TRIM44: variants seen among roughly 807,000 people sequenced by gnomAD.
The protein encoded by TRIM44 is tripartite motif-containing protein 44.
A neutral mutation model predicts 37.4 loss-of-function variants in TRIM44; 13 were observed. The ratio of observed to expected loss-of-function variants is 0.35; its 90% confidence interval spans 0.23 to 0.55. The LOEUF is 0.55. Among genes scored for constraint, TRIM44 ranks in the 20% least tolerant of loss-of-function variants. The pLI is 0.89. For synonymous variants in TRIM44, 175 were observed against 157.2 expected, an observed-to-expected ratio of 1.11 and a Z score of -0.85; for missense variants, 426 against 437.2, an observed-to-expected ratio of 0.97 and a Z score of 0.23.
At chr11:35,757,644 A>G (rs1215123982) in intron 4 of TRIM44, among the ~76,000 whole-genome samples, 1 of 152,204 alleles carries the variant, frequency 6.6e-6, no homozygotes, top group African/African-American at 2.4e-5. Context: ...TTAGTGCTAT[A>G]AATTTTCCTC....
chr11:35,783,331 G>A (rs1280800508), intron 4 of TRIM44, among the ~76,000 whole-genome samples: 1 of 152,148 alleles, frequency 6.6e-6, no homozygotes, highest in Non-Finnish European at 1.5e-5. Context: ...TGTAGATCCA[G>A]CGAATGTACC....
intron 4 of TRIM44, among the ~76,000 whole-genome samples, chr11:35,757,216 C>G (rs2133857076): frequency 1.3e-5 from 2 of 152,276 alleles, no homozygotes; most frequent in Admixed American, 1.3e-4. Flanking sequence ...CAGCTTCTTC[C>G]TGGTTTAGTC....
rs1326291558 is a variant in TRIM44 at position 35,808,951 on chromosome 11, G to C, written c.*2566G>C. 6.6e-6 allele frequency: 1 copy of C among 152,250 alleles called. No individual in the cohort carries two copies. The highest frequency in any genetic ancestry group is 1.5e-5 in the Non-Finnish European group (1 of 68,066). 9.4% of individuals were successfully genotyped at this position (152,250 alleles called of 1,614,324 possible). On this transcript the variant is annotated 3_prime_UTR_variant, in exon 5 of 5. Transcript: ENST00000299413. ...CAGAATTGGGTCTTGCCTGGGTGCA[G>C]GTGGCAGGGTTTGCTGAAACCCCTA... is the stretch of plus-strand genomic sequence containing the variant.
chr11:35,793,648 G>A (rs1366382168), intron 4 of TRIM44, among the ~76,000 whole-genome samples: 1 of 152,180 alleles, frequency 6.6e-6, no homozygotes, highest in Non-Finnish European at 1.5e-5. Flanking sequence ...TTAGCAACAA[G>A]GTACCAGTTA....
chr11:35,775,715 C>G (rs527871482), intron 4 of TRIM44, among the ~76,000 whole-genome samples: 102 of 152,280 alleles, frequency 6.7e-4, no homozygotes, highest in Non-Finnish European at 1.2e-3. Flanking sequence ...TTTTCTGCAT[C>G]TATTGAGATA....
intron 3 of TRIM44, among the ~76,000 whole-genome samples, chr11:35,734,354 C>T (rs1852303869): frequency 6.6e-6 from 1 of 151,992 alleles, no homozygotes; most frequent in Non-Finnish European, 1.5e-5. Context: ...CAATTATTAC[C>T]CCATTTTACA....
chr11:35,715,427 T>TGG (rs1048701232), intron 2 of TRIM44, among the ~76,000 whole-genome samples: 18 of 150,354 alleles, frequency 1.2e-4, no homozygotes, highest in African/African-American at 4.4e-4. Flanking sequence ...TGTGTGTGTG[T>TGG]GTGGGTGTGG....
At chr11:35,704,047 A>G (rs919848834) in intron 2 of TRIM44, among the ~76,000 whole-genome samples, 18 of 152,274 alleles carry the variant, frequency 1.2e-4, no homozygotes, top group African/African-American at 4.1e-4. Context: ...AGAATAACCA[A>G]TACAGAGAAG....
At chr11:35,794,096 G>T (rs967520039) in intron 4 of TRIM44, among the ~76,000 whole-genome samples, 1 of 152,204 alleles carries the variant, frequency 6.6e-6, no homozygotes, top group African/African-American at 2.4e-5. Flanking sequence ...AAACTTAGTT[G>T]TGTGCTTTTT....
At chr11:35,672,351 T>G (rs1282750734) in intron 1 of TRIM44, among the ~76,000 whole-genome samples, 1 of 152,146 alleles carries the variant, frequency 6.6e-6, no homozygotes, top group Non-Finnish European at 1.5e-5. Flanking sequence ...CTAAACTGAT[T>G]TCATGGCACA....
At position 35,683,354 on chromosome 11, in the gene TRIM44, AT is replaced by A. The variant is rs564156560; in HGVS notation, c.670-1903del. Among the ~76,000 whole-genome samples, 279 of 152,324 alleles carry A rather than the reference AT, an allele frequency of 1.8e-3. 2 individuals carry two copies. Among genetic ancestry groups the A allele is most frequent in the African/African-American group, 6.4e-3 (268 of 41,580 alleles). The stretch of plus-strand genomic sequence containing the variant: ...TTTGGAGAACACATCTAAAGTAGAT[AT>A]TGGTTGTAGTCATGTTGTGTCTGAT... On this transcript the variant is annotated intron_variant, in intron 1 of 4. Transcript: ENST00000299413.
In TRIM44 at chr11:35,717,761, C is replaced by T. The variant is rs1309896804; in HGVS notation, c.748-8163C>T. Among the ~76,000 whole-genome samples the T allele has an allele frequency of 2.0e-5, 3 of 152,112 alleles. No individual in the cohort carries two copies. In the East Asian group the frequency reaches 5.8e-4, roughly 29 times the overall value. The stretch of plus-strand genomic sequence containing the variant: ...AGCACCAAGATAGAAGCAGAGGCCC[C>T]AAATGTCAGTCAGTCATACCAACCA... On this transcript the variant is annotated intron_variant, in intron 2 of 4. Coordinates refer to ENST00000299413, the MANE Select transcript of TRIM44 (RefSeq NM_017583.6).
intron 2 of TRIM44, among the ~76,000 whole-genome samples, chr11:35,724,606 G>T (rs1852147903): frequency 6.6e-6 from 1 of 152,154 alleles, no homozygotes; most frequent in Non-Finnish European, 1.5e-5. Context: ...ACAGTTGCTG[G>T]TAAAATTTGG....
intron 2 of TRIM44, among the ~76,000 whole-genome samples, chr11:35,698,179 C>G (rs1258867425): frequency 1.4e-5 from 2 of 146,810 alleles, no homozygotes; most frequent in East Asian, 2.1e-4. Flanking sequence ...TTAATCCAGT[C>G]TATCATTGTT....
chr11:35,717,271 C>G (rs1852049340), intron 2 of TRIM44, among the ~76,000 whole-genome samples: 1 of 152,100 alleles, frequency 6.6e-6, no homozygotes, highest in African/African-American at 2.4e-5. Flanking sequence ...TGTTTAAAGA[C>G]TAAGGGGTGT....
chr11:35,697,644 C>T (rs529143932), intron 2 of TRIM44, among the ~76,000 whole-genome samples: 1 of 151,892 alleles, frequency 6.6e-6, no homozygotes, highest in South Asian at 2.1e-4. Flanking sequence ...TGATGTTCCC[C>T]TTCCTGTGTC....
chr11:35,729,511 C>T lies in TRIM44; in HGVS notation c.987+3348C>T, dbSNP rs1021101066. Among the ~76,000 whole-genome samples, 4 of 152,268 alleles carry T rather than the reference C, an allele frequency of 2.6e-5. No homozygotes were observed. The South Asian group carries it at 6.2e-4, about 24-fold the overall frequency. On this transcript the variant is annotated intron_variant, in intron 3 of 4. Transcript: ENST00000299413. ...GTAGATAGAGCTCTAACTCCTCCCT[C>T]TCACCCCTGCATTAACTAGGCTATG...
At chr11:35,790,794 T>C in intron 4 of TRIM44, among the ~76,000 whole-genome samples, 1 of 152,030 alleles carries the variant, frequency 6.6e-6, no homozygotes, top group Middle Eastern at 3.2e-3. Context: ...GGAATGCAGG[T>C]GGGGATAGCT....
chr11:35,804,335 T>G (rs1212141944), intron 4 of TRIM44, among the ~76,000 whole-genome samples: 1 of 152,222 alleles, frequency 6.6e-6, no homozygotes, highest in Non-Finnish European at 1.5e-5. Context: ...AAAAAGAGTT[T>G]ATTTATAATT....
Sources: gnomAD v4.1 joint callset for allele counts (sites outside exome capture counted in the v4.1 genomes callset) on GRCh38, gnomAD v4.1.1 for gene constraint, MANE v1.5 for transcripts, NCBI Gene and HGNC (gene_info 2026-07-23, HGNC 2026-07-21) for gene names.